RASGEF1A: variants seen among roughly 807,000 people sequenced by gnomAD.
The protein encoded by RASGEF1A is ras-GEF domain-containing family member 1A.
RASGEF1A carries 18 observed loss-of-function variants against 56.4 expected under a neutral mutation model. The ratio of observed to expected loss-of-function variants is 0.32; its 90% CI spans 0.22 to 0.47. RASGEF1A has a LOEUF of 0.47. Among genes scored for constraint, RASGEF1A ranks in the 20% least tolerant of loss-of-function variants. The pLI is 1.00. For missense variants in RASGEF1A, 422 were observed against 627.1 expected, an observed-to-expected ratio of 0.67 and a Z score of 3.49; for synonymous variants, 245 against 242.6, an observed-to-expected ratio of 1.01 and a Z score of -0.09.
In RASGEF1A at chr10:43,262,980, G is replaced by C. The variant is rs1475545645; in HGVS notation, c.-7+3865C>G. ...TGGCAGAGGGGGTGAGGGAGAGCCA[G>C]CTGCCTACCTGCTCAGATGGGGAAC... On this transcript the variant is annotated intron_variant, in intron 1 of 12. Transcript: ENST00000395810. Among the ~76,000 whole-genome samples, 3 of 152,216 alleles carry C rather than the reference G, an allele frequency of 2.0e-5. No homozygotes were observed. In the East Asian group the frequency reaches 5.8e-4, roughly 29 times the overall value.
At chr10:43,205,710 G>T (rs1839984280) in intron 2 of RASGEF1A, among the ~76,000 whole-genome samples, 2 of 152,156 alleles carry the variant, frequency 1.3e-5, no homozygotes, top group South Asian at 4.1e-4. Context: ...AGTCACAGCA[G>T]GTTCCCCCAG....
chr10:43,199,042 C>CGGGGGG, intron 8 of RASGEF1A, 30 bp from the exon 9 acceptor site: 6 of 713,308 alleles, frequency 8.4e-6, no homozygotes, highest in Non-Finnish European at 1.4e-5. Flanking sequence ...GGGTCAGGGC[C>CGGGGGG]GGGGGGGTGG....
chr10:43,220,197 C>T (rs1840189390), intron 1 of RASGEF1A, among the ~76,000 whole-genome samples: 2 of 152,200 alleles, frequency 1.3e-5, no homozygotes, highest in Admixed American at 6.5e-5. Flanking sequence ...GTGTTGTGGT[C>T]CTTAGGGTCT....
chr10:43,203,450 G>T (rs1382314484), intron 2 of RASGEF1A, 30 bp from the exon 3 acceptor site: 2 of 1,497,886 alleles, frequency 1.3e-6, no homozygotes, highest in Non-Finnish European at 1.8e-6. Flanking sequence ...AGAGGGCGGA[G>T]GGAGGGTGAG....
intron 1 of RASGEF1A, among the ~76,000 whole-genome samples, chr10:43,214,100 A>C (rs1840103288): frequency 6.6e-6 from 1 of 152,142 alleles, no homozygotes; most frequent in African/African-American, 2.4e-5. Flanking sequence ...CCCTCCATTC[A>C]AACTGCAGCC....
At chr10:43,214,041 GGGC>G (rs2133196748) in intron 1 of RASGEF1A, among the ~76,000 whole-genome samples, 1 of 152,322 alleles carries the variant, frequency 6.6e-6, no homozygotes, top group East Asian at 1.9e-4. Context: ...TCCTCGGGAG[GGGC>G]AGCCACACAG....
At chr10:43,207,704 C>G (rs975417352) in intron 1 of RASGEF1A, 3 of 985,408 alleles carry the variant, frequency 3.0e-6, no homozygotes, top group Non-Finnish European at 3.6e-6. Context: ...AGCAGCGGTG[C>G]CTCACACAAG....
chr10:43,258,895 G>A (rs963571685), intron 1 of RASGEF1A, among the ~76,000 whole-genome samples: 3 of 152,254 alleles, frequency 2.0e-5, no homozygotes, highest in African/African-American at 7.2e-5. Context: ...CTGGGGGCCA[G>A]AGTGGAGAGA....
intron 9 of RASGEF1A, among the ~76,000 whole-genome samples, chr10:43,198,712 G>A (rs966819166): frequency 6.6e-6 from 1 of 152,198 alleles, no homozygotes; most frequent in African/African-American, 2.4e-5. Context: ...TTCCACTCTG[G>A]AACTCGCCTT....
Position 43,198,212 on chromosome 10 carries a change from G to A in RASGEF1A, c.1033-17C>T, listed in dbSNP as rs1321564324. On this transcript the variant is annotated splice_polypyrimidine_tract_variant and intron_variant, in intron 9 of 12. Coordinates refer to ENST00000395810, the MANE Select transcript of RASGEF1A (RefSeq NM_145313.4). ...CATGTGATGCTGTGGGCACAGGGAG[G>A]ACCTGGTGAGCATCACAGCCCCATG... The A allele has an allele frequency of 1.3e-6, 2 of 1,596,416 alleles. No individual in the cohort carries two copies. The highest frequency in any genetic ancestry group is 2.2e-5 in the East Asian group (1 of 44,498).
chr10:43,225,142 ATG>A (rs1055330417), intron 1 of RASGEF1A, among the ~76,000 whole-genome samples: 4 of 121,068 alleles, frequency 3.3e-5, no homozygotes, highest in African/African-American at 1.3e-4. Flanking sequence ...GTGTCTCTGT[ATG>A]TGTCTGTGTG....
intron 3 of RASGEF1A, 129 bp from the exon 4 acceptor site, chr10:43,202,074 G>T: frequency 9.7e-7 from 1 of 1,027,444 alleles, no homozygotes; most frequent in Non-Finnish European, 1.3e-6. Context: ...CCCCAACTGC[G>T]TGCCACCTGC....
chr10:43,265,922 C>A (rs538390721), intron 1 of RASGEF1A, among the ~76,000 whole-genome samples: 2 of 152,350 alleles, frequency 1.3e-5, no homozygotes, highest in East Asian at 3.9e-4. Flanking sequence ...CGACGGCCAT[C>A]GGGGCCCTTC....
chr10:43,230,593 C>T (rs1840353532), intron 1 of RASGEF1A, among the ~76,000 whole-genome samples: 1 of 152,152 alleles, frequency 6.6e-6, no homozygotes, highest in African/African-American at 2.4e-5. Context: ...AGTTGGCCGG[C>T]GGGGCGGCCG....
At chr10:43,250,467 C>T (rs1487089099) in intron 1 of RASGEF1A, among the ~76,000 whole-genome samples, 1 of 152,244 alleles carries the variant, frequency 6.6e-6, no homozygotes, top group African/African-American at 2.4e-5. Flanking sequence ...TCAGAAAGTG[C>T]CCCACCCCAC....
intron 1 of RASGEF1A, among the ~76,000 whole-genome samples, chr10:43,219,768 G>C (rs1840183723): frequency 6.6e-6 from 1 of 152,256 alleles, no homozygotes; most frequent in Non-Finnish European, 1.5e-5. Context: ...CAGCCACCTA[G>C]GGTGCTGGGA....
At chr10:43,204,582 T>TG (rs755963217) in intron 2 of RASGEF1A, among the ~76,000 whole-genome samples, 7 of 152,206 alleles carry the variant, frequency 4.6e-5, no homozygotes, top group East Asian at 3.9e-4. Context: ...AGCCTGTGCA[T>TG]CTCCAAGGAG....
At chr10:43,204,855 C>A (rs1199597413) in intron 2 of RASGEF1A, among the ~76,000 whole-genome samples, 1 of 152,240 alleles carries the variant, frequency 6.6e-6, no homozygotes, top group East Asian at 1.9e-4. Context: ...CCACAGACGG[C>A]CCTGCCCTGG....
intron 1 of RASGEF1A, among the ~76,000 whole-genome samples, chr10:43,254,704 G>T (rs977271179): frequency 6.6e-6 from 1 of 152,200 alleles, no homozygotes; most frequent in Non-Finnish European, 1.5e-5. Flanking sequence ...GTGGTCACAG[G>T]CAAGGATGGA....
Sources: gnomAD v4.1 joint callset for allele counts (sites outside exome capture counted in the v4.1 genomes callset) on GRCh38, gnomAD v4.1.1 for gene constraint, MANE v1.5 for transcripts, NCBI Gene and HGNC (gene_info 2026-07-23, HGNC 2026-07-21) for gene names.